KCNMA1: variants seen among roughly 807,000 people sequenced by gnomAD.
The protein encoded by KCNMA1 is potassium calcium-activated channel subfamily M alpha 1.
In KCNMA1, 29 loss-of-function variants were observed where a neutral mutation model predicts 140.0. That is an observed-to-expected ratio of 0.21 (90% CI 0.15 to 0.28). The LOEUF is 0.28. Among genes scored for constraint, KCNMA1 ranks in the 10% least tolerant of loss-of-function variants. The probability of loss-of-function intolerance (pLI) is 1.00; values close to 1 mark genes in which losing one functional copy is unlikely to be tolerated. For missense variants in KCNMA1, 880 were observed against 1,602.2 expected (o/e 0.55, Z 7.70); for synonymous variants, 612 against 611.9 (o/e 1.00, Z 0.00).
chr10:77,060,333 C>T (rs561745707), intron 14 of KCNMA1, among the ~76,000 whole-genome samples: 1 of 152,296 alleles, frequency 6.6e-6, no homozygotes, highest in South Asian at 2.1e-4. Context: ...TGTTCCTAGA[C>T]CTTGAAGCTC....
chr10:77,526,729 T>C (rs982646615), intron 1 of KCNMA1, among the ~76,000 whole-genome samples: 5 of 152,204 alleles, frequency 3.3e-5, no homozygotes, highest in African/African-American at 1.2e-4. Flanking sequence ...TTATTCATTT[T>C]TTTCTACCTG....
intron 6 of KCNMA1, among the ~76,000 whole-genome samples, chr10:77,117,956 T>C (rs907103463): frequency 1.3e-5 from 2 of 152,250 alleles, no homozygotes; most frequent in African/African-American, 2.4e-5. Context: ...ATTTTCCTTC[T>C]GCTGCATTCT....
At chr10:77,465,186 C>T (rs757869898) in intron 1 of KCNMA1, among the ~76,000 whole-genome samples, 1 of 152,174 alleles carries the variant, frequency 6.6e-6, no homozygotes, top group African/African-American at 2.4e-5. Context: ...GGCAATGAGG[C>T]CTTTGCATAG....
chr10:77,347,476 T>C lies in KCNMA1; in HGVS notation c.540+56386A>G, dbSNP rs140227047. 7.0e-3 allele frequency among the ~76,000 whole-genome samples: 1,063 copies of C among 152,298 alleles called. 15 individuals are homozygous for C. The highest frequency in any genetic ancestry group is 0.024 in the African/African-American group (1,012 of 41,566). ...AACGCTGAGATGAGGTTCGTGTCTG[T>C]GGGCCCCTGTCTGAGGCTGGTTGAC... On this transcript the variant is annotated intron_variant, in intron 2 of 27. Transcript: ENST00000286628.
At chr10:77,123,255 C>G (rs1036688881) in intron 5 of KCNMA1, among the ~76,000 whole-genome samples, 12 of 109,554 alleles carry the variant, frequency 1.1e-4, no homozygotes, top group African/African-American at 4.4e-4. Flanking sequence ...AATTTTTAGA[C>G]AAACAGAATT....
intron 13 of KCNMA1, among the ~76,000 whole-genome samples, chr10:77,074,488 C>T (rs1201943299): frequency 1.3e-5 from 2 of 152,154 alleles, no homozygotes; most frequent in South Asian, 4.1e-4. Flanking sequence ...TTAAGACAGC[C>T]AGTAATATTT....
intron 20 of KCNMA1, among the ~76,000 whole-genome samples, chr10:76,961,630 T>C (rs1321430730): frequency 6.6e-6 from 1 of 152,206 alleles, no homozygotes; most frequent in African/African-American, 2.4e-5. Flanking sequence ...AGTCAGTCGA[T>C]GCAGCAATCT....
chr10:77,490,592 T>C (rs894559172), intron 1 of KCNMA1, among the ~76,000 whole-genome samples: 9 of 152,132 alleles, frequency 5.9e-5, no homozygotes, highest in Non-Finnish European at 1.2e-4. Flanking sequence ...CCACACTAGG[T>C]TATGTCATTT....
intron 1 of KCNMA1, among the ~76,000 whole-genome samples, chr10:77,442,190 C>T (rs1478198834): frequency 2.6e-5 from 4 of 152,186 alleles, no homozygotes; most frequent in Non-Finnish European, 4.4e-5. Context: ...CTCACTGCAC[C>T]CACATTCAGC....
chr10:77,136,645 T>G (rs946056502), intron 5 of KCNMA1, among the ~76,000 whole-genome samples: 15 of 150,358 alleles, frequency 1.0e-4, no homozygotes, highest in Admixed American at 9.3e-4. Context: ...ATGATAAAAC[T>G]ATGAAAACTA....
intron 3 of KCNMA1, among the ~76,000 whole-genome samples, chr10:77,235,484 TG>T (rs1437095286): frequency 1.3e-5 from 2 of 152,062 alleles, no homozygotes; most frequent in African/African-American, 4.8e-5. Context: ...CACCCGGAGG[TG>T]GCAGCAAATG....
chr10:76,912,239 T>G (rs1310687693), intron 24 of KCNMA1: 1 of 152,192 alleles, frequency 6.6e-6, no homozygotes, highest in African/African-American at 2.4e-5. Flanking sequence ...ATTGGAATAG[T>G]CAGGTGAAAC....
At chr10:76,968,648 T>C (rs2074892981) in intron 20 of KCNMA1, among the ~76,000 whole-genome samples, 1 of 152,180 alleles carries the variant, frequency 6.6e-6, no homozygotes, top group Non-Finnish European at 1.5e-5. Context: ...AACGAAAAGC[T>C]TGGCAGTTGG....
chr10:77,035,224 G>T (rs2094238690), intron 15 of KCNMA1, among the ~76,000 whole-genome samples: 1 of 152,212 alleles, frequency 6.6e-6, no homozygotes, highest in African/African-American at 2.4e-5. Context: ...GCAGCCTCCA[G>T]ATTCCCTACC....
At chr10:77,171,710 A>C (rs952877250) in intron 5 of KCNMA1, among the ~76,000 whole-genome samples, 9 of 152,138 alleles carry the variant, frequency 5.9e-5, no homozygotes, top group African/African-American at 2.2e-4. Flanking sequence ...CAGATTCCTC[A>C]GCCCTACCTT....
At chr10:77,519,494 G>T (rs2154550052) in intron 1 of KCNMA1, among the ~76,000 whole-genome samples, 1 of 93,146 alleles carries the variant, frequency 1.1e-5, no homozygotes, top group East Asian at 5.5e-4. Context: ...GAAGATAATT[G>T]ATTTTTTTTT....
In KCNMA1 at chr10:77,370,012, C is replaced by T. The variant is rs576643811; in HGVS notation, c.540+33850G>A. Among the ~76,000 whole-genome samples the T allele has an allele frequency of 1.1e-4, 16 of 152,306 alleles. No homozygotes were observed. The East Asian group carries it at 3.1e-3, about 29-fold the overall frequency. ...TGTGGCTCCTTGGAAATGTTAAAGGCATGTCTCAGCTACAGCAAGGTGGGG... is the reference window on the plus strand; with the variant it reads ...TGTGGCTCCTTGGAAATGTTAAAGGTATGTCTCAGCTACAGCAAGGTGGGG... On this transcript the variant is annotated intron_variant, in intron 2 of 27. Coordinates refer to ENST00000286628, the MANE Select transcript of KCNMA1 (RefSeq NM_001161352.2).
intron 2 of KCNMA1, among the ~76,000 whole-genome samples, chr10:77,391,727 C>T (rs549954588): frequency 4.2e-4 from 64 of 151,908 alleles, no homozygotes; most frequent in Middle Eastern, 3.4e-3. Context: ...GTTTGGGGCC[C>T]GTAGGCACGA....
intron 2 of KCNMA1, among the ~76,000 whole-genome samples, chr10:77,400,746 A>C (rs1420489558): frequency 1.3e-5 from 2 of 152,186 alleles, no homozygotes; most frequent in Non-Finnish European, 2.9e-5. Context: ...ACACAACAGC[A>C]ATAAGGAGAT....
Sources: allele counts gnomAD v4.1 joint callset (sites outside exome capture counted in the v4.1 genomes callset), GRCh38; gene constraint gnomAD v4.1.1; transcripts MANE v1.5; gene names NCBI Gene and HGNC (gene_info 2026-07-23, HGNC 2026-07-21).